Variants in SRSF11 observed in about 807,000 individuals in gnomAD.
SRSF11 encodes the protein serine and arginine rich splicing factor 11.
Under a neutral mutation model 56.0 loss-of-function variants are expected in SRSF11, and 9 were observed. The ratio of observed to expected loss-of-function variants is 0.16; its 90% CI spans 0.10 to 0.28. The LOEUF (loss-of-function observed/expected upper bound fraction) is 0.28. Among genes scored for constraint, SRSF11 ranks in the 10% least tolerant of loss-of-function variants. SRSF11 has a pLI of 1.00. For synonymous variants in SRSF11, 222 were observed against 215.3 expected (o/e 1.03, Z -0.27); for missense variants, 421 against 600.7 (o/e 0.70, Z 3.13).
chr1:70,222,550 A>G (rs1166258741), intron 1 of SRSF11, among the ~76,000 whole-genome samples: 1 of 152,208 alleles, frequency 6.6e-6, no homozygotes, highest in African/African-American at 2.4e-5. Context: ...AATTATTTCT[A>G]TCGCAAGAAT....
At chr1:70,243,355 A>AC in intron 7 of SRSF11, among the ~76,000 whole-genome samples, 1 of 140,466 alleles carries the variant, frequency 7.1e-6, no homozygotes, top group African/African-American at 2.8e-5. Context: ...AAAAAAAAAA[A>AC]AAAAAAAAAA....
intron 2 of SRSF11, 104 bp from the exon 3 acceptor site, chr1:70,232,164 T>C: frequency 6.3e-7 from 1 of 1,584,154 alleles, no homozygotes. Flanking sequence ...ATAAGTACTT[T>C]CAACAAACTC....
chr1:70,229,352 A>G (rs181893011), intron 2 of SRSF11: 4 of 1,200,408 alleles, frequency 3.3e-6, no homozygotes, highest in Non-Finnish European at 4.2e-6. Flanking sequence ...TTTGTTAACT[A>G]CATTTTCTCT....
At chr1:70,226,459 A>G (rs890072624) in intron 1 of SRSF11, among the ~76,000 whole-genome samples, 5 of 152,232 alleles carry the variant, frequency 3.3e-5, no homozygotes, top group African/African-American at 1.2e-4. Flanking sequence ...GTTGCCAAGT[A>G]TAAAGAATAC....
intron 1 of SRSF11, among the ~76,000 whole-genome samples, chr1:70,208,323 A>G (rs901952031): frequency 8.2e-5 from 12 of 145,844 alleles, no homozygotes; most frequent in Non-Finnish European, 1.4e-4. Context: ...AATACAGTGT[A>G]TGGTGTGTGT....
chr1:70,239,683 AAGCG>A (rs1271003784), intron 7 of SRSF11, among the ~76,000 whole-genome samples, 163 bp downstream of exon 7: 1 of 152,228 alleles, frequency 6.6e-6, no homozygotes, highest in African/African-American at 2.4e-5. Flanking sequence ...AAAGTAAGAA[AAGCG>A]ACAGACGAAA....
Position 70,249,980 on chromosome 1 carries a change from G to T in SRSF11, c.1051G>T (p.Gly351Cys), listed in dbSNP as rs761978794. ...GAGACGACGACGAAGAAGCAGGAGT[G>T]GCACAAGATCTCCTAAAAAGCCTCG... ...RERRRRRSRSGTRSPKKPRSP... is the reference protein window; with the variant it reads ...RERRRRRSRSCTRSPKKPRSP... Residue 351 changes from glycine (G) to cysteine (C), a missense_variant, in exon 10 of 12, where the codon GGC becomes TGC. Gly to Cys is a radical substitution (Grantham distance 159, BLOSUM62 -3). Coordinates refer to ENST00000370949, the MANE Select transcript of SRSF11 (RefSeq NM_001350605.2). 2 of 1,613,976 alleles carry T rather than the reference G, an allele frequency of 1.2e-6. No homozygotes were observed. The highest frequency in any genetic ancestry group is 2.2e-5 in the South Asian group (2 of 91,062).
chr1:70,232,185 T>C (rs1482492944), intron 2 of SRSF11, 83 bp from the exon 3 acceptor site: 1 of 1,605,032 alleles, frequency 6.2e-7, no homozygotes, highest in Non-Finnish European at 8.5e-7. Context: ...AGGTGGTGTA[T>C]CAGGGAGACA....
At chr1:70,226,674 C>T (rs946990756) in intron 1 of SRSF11, among the ~76,000 whole-genome samples, 2 of 152,120 alleles carry the variant, frequency 1.3e-5, no homozygotes, top group African/African-American at 4.8e-5. Flanking sequence ...ATTAAAAGAG[C>T]TTTGTAATTT....
chr1:70,233,723 T>C (rs1673341072), intron 3 of SRSF11, among the ~76,000 whole-genome samples: 1 of 152,204 alleles, frequency 6.6e-6, no homozygotes, highest in Non-Finnish European at 1.5e-5. Context: ...GTAGCACAGG[T>C]GGAGAAAGTG....
At position 70,250,956 on chromosome 1, in the gene SRSF11, T is replaced by C. The variant is rs1558240370; in HGVS notation, c.*151T>C. On this transcript the variant is annotated 3_prime_UTR_variant, in exon 12 of 12. Transcript: ENST00000370949. ...AAGCTCCTGTTACTCATATTAGTTATTTACATCAAAAAGCTTTTAGAAAAT... is the reference window on the plus strand; with the variant it reads ...AAGCTCCTGTTACTCATATTAGTTACTTACATCAAAAAGCTTTTAGAAAAT... 11 of 657,750 alleles carry C rather than the reference T, an allele frequency of 1.7e-5. No individual in the cohort carries two copies. The East Asian group carries it at 2.8e-4, about 17-fold the overall frequency. 40.7% of individuals were successfully genotyped at this position (657,750 alleles called of 1,614,324 possible).
intron 2 of SRSF11, chr1:70,230,023 A>G (rs1672552885): frequency 1.0e-6 from 1 of 985,452 alleles, no homozygotes; most frequent in Non-Finnish European, 1.2e-6. Context: ...AAAATAGAGT[A>G]TAGGTCTTGG....
chr1:70,237,693 C>CA lies in SRSF11; in HGVS notation c.718+142dup, dbSNP rs1674427921. 6 of 1,195,716 alleles carry CA rather than the reference C, an allele frequency of 5.0e-6. No individual in the cohort carries two copies. In the South Asian group the frequency reaches 7.9e-5, roughly 16 times the overall value. 74.1% of individuals were successfully genotyped at this position (1,195,716 alleles called of 1,614,324 possible). A position where few individuals can be genotyped will look rare whatever the true frequency, so the allele number is the denominator to read the frequency against. The stretch of plus-strand genomic sequence containing the variant: ...AAAGATTGTATAGTGGAGTGCCACT[C>CA]AGACGTATTTGGAGACAATTCTGGT... On this transcript the variant is annotated intron_variant, in intron 6 of 11. Transcript: ENST00000370949.
intron 1 of SRSF11, among the ~76,000 whole-genome samples, chr1:70,207,451 G>T (rs540814563): frequency 6.6e-6 from 1 of 152,148 alleles, no homozygotes; most frequent in Admixed American, 6.5e-5. Flanking sequence ...TTTGAACCTA[G>T]ATCTGTCTCC....
chr1:70,232,281 T>G lies in SRSF11; in HGVS notation c.351T>G (p.Asp117Glu). The G allele has an allele frequency of 6.2e-7, 1 of 1,614,226 alleles. No individual in the cohort carries two copies. The highest frequency in any genetic ancestry group is 8.5e-7 in the Non-Finnish European group (1 of 1,180,034). The change falls in exon 3 of 12, where the codon GAT becomes GAG. Residue 117 changes from aspartate (D) to glutamate (E), a missense_variant. Physicochemically the swap from Asp to Glu is conservative, Grantham distance 45. This residue lies in a region of SRSF11 where 168 missense variants were observed against 294.9 expected (regional missense o/e 0.57). Transcript: ENST00000370949. ...VVPYAEGVIP[D>E]EAKALSLLAP... is the part of the protein sequence containing the mutation. ...GTTTCTCTGCAGGAGTTATTCCTGA[T>G]GAAGCTAAAGCTTTGTCTCTGTTGG...
At chr1:70,244,358 T>C (rs953116468) in intron 7 of SRSF11, among the ~76,000 whole-genome samples, 1 of 152,192 alleles carries the variant, frequency 6.6e-6, no homozygotes, top group African/African-American at 2.4e-5. Context: ...TATAAGATGA[T>C]GCAAATAAGT....
At chr1:70,217,508 A>G (rs1670122529), upstream of SRSF11, among the ~76,000 whole-genome samples, 1 of 152,100 alleles carries the variant, frequency 6.6e-6, no homozygotes, top group Admixed American at 6.5e-5. Context: ...GTTTTATGTT[A>G]TCAGGGACAT....
chr1:70,229,551 G>C (rs777799807), intron 2 of SRSF11: 1 of 984,830 alleles, frequency 1.0e-6, no homozygotes, highest in Admixed American at 6.1e-5. Flanking sequence ...AATTTTACTC[G>C]AATCACTGAA....
chr1:70,245,238 T>A (rs1473669504), intron 8 of SRSF11, among the ~76,000 whole-genome samples: 12 of 152,234 alleles, frequency 7.9e-5, no homozygotes, highest in Admixed American at 7.9e-4. Context: ...GCTTTTTATC[T>A]CTTGCTAAAA....
Sources: allele counts gnomAD v4.1 joint callset (sites outside exome capture counted in the v4.1 genomes callset), GRCh38; gene constraint gnomAD v4.1.1; regional missense constraint gnomAD v4.1.1; transcripts MANE v1.5; gene names NCBI Gene and HGNC (gene_info 2026-07-23, HGNC 2026-07-21).